The following GTF3C2 variants were observed in gnomAD, a reference collection of about 807,000 sequenced individuals.
GTF3C2 encodes the protein general transcription factor IIIC subunit 2, also known as general transcription factor 3C polypeptide 2.
GTF3C2 carries 17 observed loss-of-function variants against 117.4 expected under a neutral mutation model. The observed-to-expected ratio is 0.14, with a 90% CI of 0.10 to 0.22. GTF3C2 has a LOEUF of 0.22. GTF3C2 is among the 10% of genes least tolerant of loss of function. The pLI is 1.00. For synonymous variants in GTF3C2, 437 were observed against 427.0 expected, an observed-to-expected ratio of 1.02 and a Z score of -0.29; for missense variants, 888 against 1,143.6, an observed-to-expected ratio of 0.78 and a Z score of 3.22.
rs1572569515 is a variant in GTF3C2, at chr2:27,335,814, T to C, written c.1467+103A>G. 9.6e-6 allele frequency: 10 copies of C among 1,043,384 alleles called. No homozygotes were observed. The South Asian group carries it at 1.1e-4, about 11-fold the overall frequency. The allele number at this position is 1,043,384 out of a possible 1,614,324, so 64.6% of individuals were successfully genotyped here. A position where few individuals can be genotyped will look rare whatever the true frequency, so the allele number is the denominator to read the frequency against. On this transcript the variant is annotated intron_variant, in intron 9 of 18. Coordinates refer to ENST00000264720, the Ensembl canonical transcript of GTF3C2. ...GTATGAAGTTGCTGGAAAAACTCCATCCACTACACTCCAACCTTCGTTCCT... is the reference window on the plus strand; with the variant it reads ...GTATGAAGTTGCTGGAAAAACTCCACCCACTACACTCCAACCTTCGTTCCT...
intron 4 of GTF3C2, among the ~76,000 whole-genome samples, chr2:27,339,259 T>A (rs1336464860): frequency 6.6e-6 from 1 of 151,404 alleles, no homozygotes; most frequent in Non-Finnish European, 1.5e-5. Flanking sequence ...ATACAAAAAT[T>A]AGCTGGGTGT....
chr2:27,327,396 G>A, intron 17 of GTF3C2, 112 bp from the exon 18 acceptor site: 1 of 538,928 alleles, frequency 1.9e-6, no homozygotes, highest in Non-Finnish European at 3.3e-6. Context: ...GATCTTGGCA[G>A]CTCACTACAA....
chr2:27,348,566 G>A (rs1331320833), intron 1 of GTF3C2, among the ~76,000 whole-genome samples: 1 of 152,156 alleles, frequency 6.6e-6, no homozygotes, highest in African/African-American at 2.4e-5. Context: ...TATGTTGGGA[G>A]GCCGAAGCAA....
chr2:27,345,785 C>T (rs1217581238), intron 1 of GTF3C2, among the ~76,000 whole-genome samples: 3 of 148,704 alleles, frequency 2.0e-5, no homozygotes, highest in South Asian at 2.2e-4. Flanking sequence ...GTGATGTCGG[C>T]TCACTGCAAC....
At chr2:27,341,755 A>C (rs1200765827) in intron 4 of GTF3C2, 193 bp downstream of exon 4, 1 of 582,026 alleles carries the variant, frequency 1.7e-6, no homozygotes, top group African/African-American at 1.9e-5. Context: ...ATGAATGAAT[A>C]ATCTTGTTTA....
chr2:27,332,868 A>G (rs1680327647), intron 12 of GTF3C2, among the ~76,000 whole-genome samples: 1 of 151,654 alleles, frequency 6.6e-6, no homozygotes. Flanking sequence ...GGTGCAATCT[A>G]TGACACCCAG....
At chr2:27,333,461 C>G in intron 12 of GTF3C2, 194 bp downstream of exon 12, 3 of 536,142 alleles carry the variant, frequency 5.6e-6, no homozygotes, top group Non-Finnish European at 9.9e-6. Context: ...GGCCCAGCAT[C>G]TATGTACTCT....
intron 12 of GTF3C2, among the ~76,000 whole-genome samples, chr2:27,331,600 C>T (rs1680274165): frequency 6.6e-6 from 1 of 152,004 alleles, no homozygotes; most frequent in African/African-American, 2.4e-5. Context: ...GCTGGGATTA[C>T]CGACATGAGC....
At chr2:27,333,500 G>A (rs949766241) in intron 12 of GTF3C2, 155 bp downstream of exon 12, 3 of 601,806 alleles carry the variant, frequency 5.0e-6, no homozygotes, top group African/African-American at 3.7e-5. Flanking sequence ...AAATAGTCTA[G>A]TGACTTATTT....
chr2:27,325,964 C>T (rs1680060330), exon 19 of GTF3C2: 1 of 196,512 alleles, frequency 5.1e-6, no homozygotes, highest in Non-Finnish European at 1.1e-5. Context: ...TTCCTAACAT[C>T]CATGAGTGAA....
At chr2:27,356,370 T>G (rs1007731230) in intron 1 of GTF3C2, 2 of 322,532 alleles carry the variant, frequency 6.2e-6, no homozygotes, top group Non-Finnish European at 1.3e-5. Flanking sequence ...AAGGTAGATT[T>G]CTCCCCTAGC....
intron 1 of GTF3C2, among the ~76,000 whole-genome samples, chr2:27,346,472 C>T (rs1404800426): frequency 1.3e-5 from 2 of 148,420 alleles, no homozygotes; most frequent in African/African-American, 2.5e-5. Flanking sequence ...CCACCTCAGC[C>T]GCCTGAGTAG....
At chr2:27,356,257 G>C (rs913610766) in intron 1 of GTF3C2, 18 of 440,486 alleles carry the variant, frequency 4.1e-5, no homozygotes, top group African/African-American at 3.5e-4. Context: ...CAACCCTCGG[G>C]GTTAAAGAGC....
At chr2:27,349,935 C>T (rs1426937563) in intron 1 of GTF3C2, among the ~76,000 whole-genome samples, 1 of 152,078 alleles carries the variant, frequency 6.6e-6, no homozygotes, top group Non-Finnish European at 1.5e-5. Context: ...CCACTGTGCC[C>T]AGCCCAAAAG....
chr2:27,353,949 C>G (rs1681231496), intron 1 of GTF3C2, among the ~76,000 whole-genome samples: 1 of 151,370 alleles, frequency 6.6e-6, no homozygotes, highest in Non-Finnish European at 1.5e-5. Context: ...GTCTCAAATT[C>G]CTGGGCTCAA....
intron 4 of GTF3C2, among the ~76,000 whole-genome samples, chr2:27,339,429 A>G (rs1247413616): frequency 1.3e-5 from 2 of 148,548 alleles, no homozygotes; most frequent in East Asian, 4.0e-4. Flanking sequence ...AAAAAAAAAG[A>G]AAAAAAAAAT....
Position 27,336,034 on chromosome 2 carries a change from G to T in GTF3C2, c.1356-6C>A. On this transcript the variant is annotated splice_polypyrimidine_tract_variant and splice_region_variant and intron_variant, in intron 8 of 18. Coordinates refer to ENST00000264720, the Ensembl canonical transcript of GTF3C2. ...AGTGGGCCCTGTTGCCAGGACTGGAGAGAGAGAGCATGTGGGGATGGTGGG... is the reference window on the plus strand; with the variant it reads ...AGTGGGCCCTGTTGCCAGGACTGGATAGAGAGAGCATGTGGGGATGGTGGG... 3 of 1,587,482 alleles carry T rather than the reference G, an allele frequency of 1.9e-6. No homozygotes were observed. Among genetic ancestry groups the T allele is most frequent in the Non-Finnish European group, 2.6e-6 (3 of 1,155,728 alleles).
intron 6 of GTF3C2, 42 bp downstream of exon 6, chr2:27,337,416 CTGTCACCCTTTCGTCTCCAGTGG>C: frequency 1.4e-6 from 2 of 1,456,260 alleles, no homozygotes; most frequent in Non-Finnish European, 1.9e-6. Flanking sequence ...TATAGAGCCT[CTGTCACCCTTTCGTCTCCAGTGG>C]TGTCACCCTT....
In GTF3C2 at chr2:27,337,354, C is replaced by CA; in HGVS notation, c.1029-13dup. ...AGGGAGCGGCCTCACTGGGGGAAGA[C>CA]AAAGGGAACAGTCTAAATTTGGAAG... On this transcript the variant is annotated splice_polypyrimidine_tract_variant and intron_variant, in intron 6 of 18. Transcript: ENST00000264720. 1 of 1,573,328 alleles carries CA rather than the reference C, an allele frequency of 6.4e-7. No individual in the cohort carries two copies. The highest frequency in any genetic ancestry group is 8.7e-7 in the Non-Finnish European group (1 of 1,143,174).
Sources: gnomAD v4.1 joint callset for allele counts (sites outside exome capture counted in the v4.1 genomes callset) on GRCh38, gnomAD v4.1.1 for gene constraint, MANE v1.5 for transcripts, NCBI Gene and HGNC (gene_info 2026-07-23, HGNC 2026-07-21) for gene names.